The following GP9 variants were observed in gnomAD, a reference collection of about 807,000 sequenced individuals.
GP9 encodes glycoprotein IX platelet.
For synonymous variants in GP9, 116 were observed against 116.7 expected (o/e 0.99, Z 0.04); for missense variants, 228 against 241.8 (o/e 0.94, Z 0.38).
upstream of GP9, among the ~76,000 whole-genome samples, chr3:129,057,183 G>A (rs1030541747): frequency 7.2e-5 from 11 of 152,208 alleles, no homozygotes; most frequent in African/African-American, 2.7e-4. Context: ...TCAATGGGAG[G>A]AGACATTTAA....
chr3:129,062,051 GC>G lies in GP9; in HGVS notation c.315del (p.Glu106ArgfsTer22), dbSNP rs1946583697. On this transcript the variant is annotated frameshift_variant, in exon 3 of 3. Transcript: ENST00000307395. LOFTEE classifies it low-confidence loss of function (END_TRUNC). Reference protein sequence around the residue: ...YLRLWLEDRTPEALLQVRCAS... With the variant: ...YLRLWLEDRTXEALLQVRCAS... ...TGCGCCTCTGGCTGGAGGACCGCAC[GC>G]CCGAGGCCCTGCTGCAGGTCCGCTG... 6.2e-7 allele frequency: 1 copy of G among 1,612,712 alleles called. No individual in the cohort carries two copies. Among genetic ancestry groups the G allele is most frequent in the African/African-American group, 1.3e-5 (1 of 74,934 alleles).
the GP9 span, among the ~76,000 whole-genome samples, chr3:129,054,948 A>C: frequency 5.9e-5 from 9 of 152,214 alleles, no homozygotes; most frequent in African/African-American, 2.2e-4. Context: ...GGCAGTGAGA[A>C]CAGGTTCATT....
At chr3:129,055,736 C>T in the GP9 span, among the ~76,000 whole-genome samples, 3 of 151,882 alleles carry the variant, frequency 2.0e-5, no homozygotes, top group African/African-American at 7.3e-5. Context: ...CCTGCGCCTC[C>T]CAGGTTCAAG....
chr3:129,061,862 C>CGGA lies in GP9; in HGVS notation c.124_126dup (p.Gly42dup). On this transcript the variant is annotated inframe_insertion, in exon 3 of 3. Coordinates refer to ENST00000307395, the MANE Select transcript of GP9 (RefSeq NM_000174.5). ...GGCTGTGGGTGGACTGCAGGGGCCA[C>CGGA]GGACTCACGGCCCTGCCTGCCCTGC... 1.2e-6 allele frequency: 2 copies of CGGA among 1,612,528 alleles called. No homozygotes were observed. The highest frequency in any genetic ancestry group is 1.7e-6 in the Non-Finnish European group (2 of 1,179,528).
intron 1 of GP9, among the ~76,000 whole-genome samples, 179 bp downstream of exon 1, chr3:129,061,029 G>A (rs375964059): frequency 1.3e-5 from 2 of 152,346 alleles, no homozygotes; most frequent in East Asian, 1.9e-4. Context: ...CTGTGGGTAG[G>A]GGGAGCTCTG....
At chr3:129,054,864 C>T in the GP9 span, among the ~76,000 whole-genome samples, 3 of 152,198 alleles carry the variant, frequency 2.0e-5, no homozygotes, top group African/African-American at 4.8e-5. Flanking sequence ...TCTGGTGGAA[C>T]TGCAAATTGT....
chr3:129,061,865 A>G lies in GP9; in HGVS notation c.126A>G (p.Gly42=). Residue 42 remains glycine, a synonymous_variant, in exon 3 of 3, where the codon GGA becomes GGG. Coordinates refer to ENST00000307395, the MANE Select transcript of GP9 (RefSeq NM_000174.5). ...TGTGGGTGGACTGCAGGGGCCACGG[A>G]CTCACGGCCCTGCCTGCCCTGCCGG... The part of the protein sequence containing the change: ...MGLWVDCRGH[G]LTALPALPAR... 6.2e-7 allele frequency: 1 copy of G among 1,612,594 alleles called. No individual in the cohort carries two copies.
chr3:129,057,716 G>C (rs1227961030), upstream of GP9, among the ~76,000 whole-genome samples: 1 of 152,064 alleles, frequency 6.6e-6, no homozygotes, highest in African/African-American at 2.4e-5. Context: ...GCAAGTAGAA[G>C]TGACTCTTCA....
rs764292260 is a variant in GP9, at chr3:129,061,851, T to C, written c.112T>C (p.Cys38Arg). 9 of 1,612,342 alleles carry C rather than the reference T, an allele frequency of 5.6e-6. No homozygotes were observed. Among genetic ancestry groups the C allele is most frequent in the Non-Finnish European group, 1.7e-6 (2 of 1,179,516 alleles). ...ALETMGLWVD[C>R]RGHGLTALPA... ...GGAAACCATGGGGCTGTGGGTGGACTGCAGGGGCCACGGACTCACGGCCCT... is the reference window on the plus strand; with the variant it reads ...GGAAACCATGGGGCTGTGGGTGGACCGCAGGGGCCACGGACTCACGGCCCT... The change falls in exon 3 of 3, where the codon TGC becomes CGC. Residue 38 changes from cysteine (C) to arginine (R), a missense_variant. Physicochemically the swap from Cys to Arg is radical, Grantham distance 180 (BLOSUM62 -3). Coordinates refer to ENST00000307395, the MANE Select transcript of GP9 (RefSeq NM_000174.5).
Position 129,062,200 on chromosome 3 carries a change from T to C in GP9, c.461T>C (p.Leu154Pro), listed in dbSNP as rs758953076. The change falls in exon 3 of 3, where the codon CTG becomes CCG. Residue 154 changes from leucine (L) to proline (P), a missense_variant. Coordinates refer to ENST00000307395, the MANE Select transcript of GP9 (RefSeq NM_000174.5). ...VRPGVLWDVA[L>P]VAVAALGLAL... ...CCGGGGGTCTTGTGGGACGTGGCGC[T>C]GGTCGCCGTGGCCGCGCTGGGCCTG... The C allele has an allele frequency of 1.6e-5, 25 of 1,568,302 alleles. No individual in the cohort carries two copies. In the Admixed American group the frequency reaches 4.4e-4, roughly 28 times the overall value.
chr3:129,055,636 C>T, the GP9 span, among the ~76,000 whole-genome samples: 1 of 150,116 alleles, frequency 6.7e-6, no homozygotes, highest in Non-Finnish European at 1.5e-5. Flanking sequence ...CCTTTCTTTT[C>T]TTTCTTTCTT....
upstream of GP9, among the ~76,000 whole-genome samples, chr3:129,059,604 T>G (rs1946553778): frequency 6.6e-6 from 1 of 152,138 alleles, no homozygotes; most frequent in African/African-American, 2.4e-5. Context: ...CACCCTTCTC[T>G]GAGCCCAGCA....
chr3:129,057,830 CTTT>C (rs869136524), upstream of GP9, among the ~76,000 whole-genome samples: 8 of 123,916 alleles, frequency 6.5e-5, no homozygotes, highest in South Asian at 2.6e-4. Flanking sequence ...TAGGTTGCTT[CTTT>C]TTTTTTTTTT....
In GP9 at chr3:129,062,187, T is replaced by A; in HGVS notation, c.448T>A (p.Trp150Arg). The change falls in exon 3 of 3, where the codon TGG becomes AGG. Residue 150 changes from tryptophan (W) to arginine (R), a missense_variant. Coordinates refer to ENST00000307395, the MANE Select transcript of GP9 (RefSeq NM_000174.5). ...GTCCTGGGTGCGCCCGGGGGTCTTGTGGGACGTGGCGCTGGTCGCCGTGGC... is the reference window on the plus strand; with the variant it reads ...GTCCTGGGTGCGCCCGGGGGTCTTGAGGGACGTGGCGCTGGTCGCCGTGGC... ...QASWVRPGVL[W>R]DVALVAVAAL... is the part of the protein sequence containing the mutation. 1 of 1,573,666 alleles carries A rather than the reference T, an allele frequency of 6.4e-7. No homozygotes were observed. The highest frequency in any genetic ancestry group is 8.6e-7 in the Non-Finnish European group (1 of 1,164,018).
upstream of GP9, among the ~76,000 whole-genome samples, chr3:129,056,658 G>A (rs968960959): frequency 3.9e-5 from 6 of 152,178 alleles, no homozygotes; most frequent in Non-Finnish European, 8.8e-5. Context: ...CCAAGGAGCT[G>A]CTGGGCCCAT....
At chr3:129,055,486 G>A in the GP9 span, among the ~76,000 whole-genome samples, 69 of 152,310 alleles carry the variant, frequency 4.5e-4, no homozygotes, top group Non-Finnish European at 8.7e-4. Flanking sequence ...AAGGCTGAGA[G>A]GCAGGTCGAA....
upstream of GP9, among the ~76,000 whole-genome samples, chr3:129,058,276 C>T (rs905627552): frequency 2.6e-5 from 4 of 152,210 alleles, no homozygotes; most frequent in Non-Finnish European, 4.4e-5. Flanking sequence ...GCTTGGCCTT[C>T]GCCTTGGTTC....
Position 129,061,999 on chromosome 3 carries a change from G to A in GP9, c.260G>A (p.Trp87Ter). Residue 87 changes from tryptophan (W) to a stop codon, truncating the protein, a stop_gained, in exon 3 of 3, where the codon TGG (tryptophan) becomes TAG (stop). Transcript: ENST00000307395. LOFTEE classifies it low-confidence loss of function (END_TRUNC). ...ACCCTCGATGTGACGCAGAACCCCT[G>A]GCACTGTGACTGCAGCCTCACCTAT... ...LQTLDVTQNP[W>*]HCDCSLTYLR... 6.2e-7 allele frequency: 1 copy of A among 1,613,774 alleles called. No individual in the cohort carries two copies. The highest frequency in any genetic ancestry group is 8.5e-7 in the Non-Finnish European group (1 of 1,179,894).
At chr3:129,058,676 C>T (rs1946542821), upstream of GP9, among the ~76,000 whole-genome samples, 1 of 152,244 alleles carries the variant, frequency 6.6e-6, no homozygotes, top group African/African-American at 2.4e-5. Context: ...TTTGAAATAA[C>T]CTGCCCCTGA....
Sources: gnomAD v4.1 joint callset for allele counts (sites outside exome capture counted in the v4.1 genomes callset) on GRCh38, gnomAD v4.1.1 for gene constraint, MANE v1.5 for transcripts, NCBI Gene and HGNC (gene_info 2026-07-23, HGNC 2026-07-21) for gene names.